Variants in ROBO2 observed in about 807,000 individuals in gnomAD.
The protein encoded by ROBO2 is roundabout guidance receptor 2, also known as roundabout homolog 2.
ROBO2 carries 53 observed loss-of-function variants against 160.8 expected under a neutral mutation model. The observed-to-expected ratio is 0.33, with a 90% CI of 0.26 to 0.41. ROBO2 has a LOEUF of 0.41. ROBO2 is among the 10% of genes least tolerant of loss of function. ROBO2 has a pLI of 1.00. For missense variants in ROBO2, 1,577 were observed against 1,722.4 expected (o/e 0.92, Z 1.49); for synonymous variants, 664 against 611.7 (o/e 1.09, Z -1.26).
At chr3:76,127,379 T>G (rs1461180743) in intron 2 of ROBO2, among the ~76,000 whole-genome samples, 5 of 152,048 alleles carry the variant, frequency 3.3e-5, no homozygotes, top group African/African-American at 1.2e-4. Context: ...AAGTCTAAAT[T>G]TTTTTGTTAT....
intron 2 of ROBO2, among the ~76,000 whole-genome samples, chr3:75,944,525 A>C (rs1421555556): frequency 6.6e-6 from 1 of 152,096 alleles, no homozygotes; most frequent in Non-Finnish European, 1.5e-5. Context: ...TTAAAAAAAA[A>C]CCTGGCACCT....
At chr3:77,151,822 A>G (rs1387126563) in intron 2 of ROBO2, among the ~76,000 whole-genome samples, 1 of 152,244 alleles carries the variant, frequency 6.6e-6, no homozygotes, top group Non-Finnish European at 1.5e-5. Context: ...ATTAAGCAAT[A>G]TCAGTTGTAC....
chr3:77,533,550 C>T (rs2091898693), intron 6 of ROBO2, among the ~76,000 whole-genome samples: 3 of 152,106 alleles, frequency 2.0e-5, no homozygotes, highest in African/African-American at 4.8e-5. Context: ...CTGAAGTTCC[C>T]ATTTCCTTGG....
At chr3:76,601,062 TA>T (rs1307853730) in intron 2 of ROBO2, among the ~76,000 whole-genome samples, 1 of 152,142 alleles carries the variant, frequency 6.6e-6, no homozygotes, top group African/African-American at 2.4e-5. Flanking sequence ...AGTCAAACCT[TA>T]AAGCTCCATA....
chr3:77,435,349 T>A (rs1398262677), intron 2 of ROBO2, among the ~76,000 whole-genome samples: 1 of 152,134 alleles, frequency 6.6e-6, no homozygotes, highest in African/African-American at 2.4e-5. Context: ...GTATTTTATT[T>A]CATATCATAT....
intron 2 of ROBO2, among the ~76,000 whole-genome samples, chr3:76,810,697 G>A (rs1394726397): frequency 6.6e-6 from 1 of 152,046 alleles, no homozygotes; most frequent in Non-Finnish European, 1.5e-5. Flanking sequence ...TAGCATGAAG[G>A]TTTTAGGTAC....
At chr3:76,095,303 G>A (rs534995600) in intron 2 of ROBO2, among the ~76,000 whole-genome samples, 177 of 151,948 alleles carry the variant, frequency 1.2e-3, no homozygotes, top group African/African-American at 2.7e-3. Flanking sequence ...AATTTAAAAG[G>A]CCCATTATGT....
chr3:77,592,539 A>G (rs2094204345), intron 17 of ROBO2, among the ~76,000 whole-genome samples: 1 of 151,862 alleles, frequency 6.6e-6, no homozygotes, highest in Non-Finnish European at 1.5e-5. Flanking sequence ...TTATGTGTGT[A>G]TATATATATA....
At chr3:77,106,748 TTCC>T (rs2150141924) in intron 2 of ROBO2, among the ~76,000 whole-genome samples, 2 of 152,354 alleles carry the variant, frequency 1.3e-5, no homozygotes, top group East Asian at 3.9e-4. Flanking sequence ...GAATTGATTT[TTCC>T]TCTTAGGAGA....
chr3:77,390,764 G>A (rs1295657717), intron 2 of ROBO2, among the ~76,000 whole-genome samples: 3 of 152,036 alleles, frequency 2.0e-5, no homozygotes, highest in South Asian at 2.1e-4. Context: ...TTCAGTGATC[G>A]AGATTATCCA....
chr3:76,020,865 T>G (rs930871127), intron 2 of ROBO2, among the ~76,000 whole-genome samples: 3 of 151,834 alleles, frequency 2.0e-5, no homozygotes, highest in Admixed American at 6.6e-5. Context: ...GGAGTTTTAG[T>G]TTTTCTTTTA....
At chr3:76,396,113 G>C (rs2077431840) in intron 2 of ROBO2, among the ~76,000 whole-genome samples, 1 of 152,112 alleles carries the variant, frequency 6.6e-6, no homozygotes, top group Non-Finnish European at 1.5e-5. Context: ...ACATCAAAAA[G>C]CTCATCCACC....
intron 1 of ROBO2, among the ~76,000 whole-genome samples, chr3:75,930,958 C>A (rs910913895): frequency 6.6e-6 from 1 of 152,162 alleles, no homozygotes; most frequent in Non-Finnish European, 1.5e-5. Flanking sequence ...ACATAGAAAC[C>A]AAAGTGATCT....
chr3:77,251,161 GC>G (rs1456265178), intron 2 of ROBO2, among the ~76,000 whole-genome samples: 1 of 152,038 alleles, frequency 6.6e-6, no homozygotes, highest in Admixed American at 6.5e-5. Flanking sequence ...CTCTGCCTGG[GC>G]CCCCAGGCTG....
intron 2 of ROBO2, among the ~76,000 whole-genome samples, chr3:76,642,097 A>T (rs2109718619): frequency 6.6e-6 from 1 of 152,236 alleles, no homozygotes; most frequent in East Asian, 1.9e-4. Flanking sequence ...CTATAAGTTT[A>T]AAATTATTTC....
rs6805926 is a variant in ROBO2, at chr3:76,399,749, A to G, written c.109+462147A>G. On this transcript the variant is annotated intron_variant, in intron 2 of 26. Coordinates refer to the ROBO2 transcript ENST00000487694. ...AGGCCGTCAGGGGAGTCTACCCATA[A>G]CTCCTAACTCTGTAAAACTCTTTAT... Among the ~76,000 whole-genome samples, 647 of 151,806 alleles carry G rather than the reference A, an allele frequency of 4.3e-3. 7 individuals carry two copies. Among genetic ancestry groups the G allele is most frequent in the African/African-American group, 0.015 (618 of 41,508 alleles).
intron 2 of ROBO2, among the ~76,000 whole-genome samples, chr3:76,840,445 T>C (rs898377148): frequency 6.6e-6 from 1 of 150,966 alleles, no homozygotes; most frequent in African/African-American, 2.4e-5. Context: ...CCGTCTCTAC[T>C]AAAAATACAA....
chr3:77,215,000 G>T (rs932640789), intron 2 of ROBO2, among the ~76,000 whole-genome samples: 9 of 152,070 alleles, frequency 5.9e-5, no homozygotes, highest in Admixed American at 3.3e-4. Context: ...TTTCTCTCTG[G>T]CTGCCCTTAA....
chr3:77,184,058 A>G (rs112739293), intron 2 of ROBO2, among the ~76,000 whole-genome samples: 397 of 152,164 alleles, frequency 2.6e-3, no homozygotes, highest in African/African-American at 8.8e-3. Context: ...AAAAATATTT[A>G]TAGCTCTGCT....
Sources: allele counts gnomAD v4.1 joint callset (sites outside exome capture counted in the v4.1 genomes callset), GRCh38; gene constraint gnomAD v4.1.1; transcripts MANE v1.5; gene names NCBI Gene and HGNC (gene_info 2026-07-23, HGNC 2026-07-21).